The following ZFX variants were observed in gnomAD, a reference collection of about 807,000 sequenced individuals.
ZFX encodes the protein zinc finger protein X-linked.
For missense variants in ZFX, 362 were observed against 628.3 expected, an observed-to-expected ratio of 0.58 and a Z score of 4.53; for synonymous variants, 196 against 226.8, an observed-to-expected ratio of 0.86 and a Z score of 1.22.
intron 4 of ZFX, 58 bp from the exon 5 acceptor site, chrX:24,179,125 C>T (rs1300524347): frequency 4.0e-6 from 4 of 1,001,884 alleles, no homozygotes; most frequent in East Asian, 3.0e-5. Flanking sequence ...GTAACATTTA[C>T]GTTAATTGTA....
intron 5 of ZFX, among the ~76,000 whole-genome samples, 168 bp downstream of exon 5, chrX:24,179,938 A>G (rs953289283): frequency 7.2e-5 from 8 of 111,819 alleles, no homozygotes; most frequent in African/African-American, 2.6e-4. Context: ...GAAAATTAAG[A>G]AAAGTGAGGC....
intron 3 of ZFX, among the ~76,000 whole-genome samples, chrX:24,171,017 T>C (rs1934549812): frequency 8.9e-6 from 1 of 112,417 alleles, no homozygotes; most frequent in South Asian, 3.6e-4. Flanking sequence ...ATTCCTTTTA[T>C]GAATGTTAAT....
intron 5 of ZFX, among the ~76,000 whole-genome samples, chrX:24,201,272 T>A (rs1298449207): frequency 8.9e-6 from 1 of 112,765 alleles, no homozygotes; most frequent in Non-Finnish European, 1.9e-5. Context: ...ATTTATGTAA[T>A]AGAATAGCTT....
intron 5 of ZFX, among the ~76,000 whole-genome samples, chrX:24,193,673 T>C (rs747945109): frequency 6.6e-4 from 74 of 112,335 alleles, no homozygotes; most frequent in Admixed American, 1.0e-3. Context: ...AATTAGCTTT[T>C]CCTCTTTAAG....
chrX:24,198,203 TTC>T (rs1211035941), intron 5 of ZFX, among the ~76,000 whole-genome samples: 1 of 111,732 alleles, frequency 8.9e-6, no homozygotes, highest in African/African-American at 3.3e-5. Flanking sequence ...ATAATATTTT[TTC>T]TTTTATTTAT....
chrX:24,161,120 T>C (rs1349867986), intron 3 of ZFX, among the ~76,000 whole-genome samples: 4 of 112,040 alleles, frequency 3.6e-5, no homozygotes, highest in Non-Finnish European at 7.5e-5. Flanking sequence ...TGAAAACTAA[T>C]ATAATTTATA....
At chrX:24,172,572 A>G (rs1934729116) in intron 3 of ZFX, 143 bp from the exon 4 acceptor site, 6 of 400,976 alleles carry the variant, frequency 1.5e-5, no homozygotes, top group Non-Finnish European at 2.5e-5. Context: ...AGTAAGTTCT[A>G]TTTTACTTTA....
intron 4 of ZFX, among the ~76,000 whole-genome samples, chrX:24,175,753 A>G (rs1372199073): frequency 9.1e-6 from 1 of 110,178 alleles, no homozygotes; most frequent in Non-Finnish European, 1.9e-5. Context: ...TAATTTTTGT[A>G]TTTTTAGTAG....
intron 5 of ZFX, among the ~76,000 whole-genome samples, chrX:24,185,215 T>G (rs930206254): frequency 4.5e-5 from 5 of 111,480 alleles, no homozygotes; most frequent in African/African-American, 1.6e-4. Context: ...ATTTGCCCAC[T>G]TCAGCCTCCC....
chrX:24,187,113 A>G (rs949226420), intron 5 of ZFX, among the ~76,000 whole-genome samples: 6 of 111,830 alleles, frequency 5.4e-5, no homozygotes, highest in Non-Finnish European at 1.1e-4. Flanking sequence ...ATGAGATCTC[A>G]CCGTGTTGCC....
intron 4 of ZFX, among the ~76,000 whole-genome samples, chrX:24,176,430 A>ATTTTTT (rs56241839): frequency 4.5e-5 from 3 of 66,837 alleles, no homozygotes; most frequent in Non-Finnish European, 5.3e-5. Context: ...TTGGCCTTTG[A>ATTTTTT]TTTTTTTTTT....
intron 5 of ZFX, among the ~76,000 whole-genome samples, chrX:24,201,769 CATTAAT>C (rs1937313047): frequency 1.8e-5 from 2 of 112,213 alleles, no homozygotes; most frequent in Admixed American, 1.9e-4. Flanking sequence ...GAAGTAAGAA[CATTAAT>C]ATTGACTCTT....
Position 24,211,053 on chromosome X carries a change from A to T in ZFX, c.2095A>T (p.Ile699Phe), listed in dbSNP as rs1218605237. 1 of 1,210,741 alleles carries T rather than the reference A, an allele frequency of 8.3e-7. No homozygotes were observed. Among genetic ancestry groups the T allele is most frequent in the Non-Finnish European group, 1.1e-6 (1 of 895,455 alleles). The change falls in exon 10 of 10, where the codon ATT (isoleucine) becomes TTT (phenylalanine). Residue 699 changes from isoleucine (I) to phenylalanine (F), a missense_variant. Physicochemically the swap from Ile to Phe is conservative, Grantham distance 21. Coordinates refer to ENST00000304543, the MANE Select transcript of ZFX (RefSeq NM_003410.4). ...MHQCRHCDFK[I>F]ADPFVLSRHI... is the part of the protein sequence containing the mutation. ...CCAGTGTAGACATTGTGACTTTAAG[A>T]TTGCAGATCCATTTGTTCTAAGTCG... is the stretch of plus-strand genomic sequence containing the variant.
intron 7 of ZFX, 132 bp downstream of exon 7, chrX:24,207,987 T>C: frequency 1.1e-6 from 1 of 921,839 alleles, no homozygotes; most frequent in Non-Finnish European, 1.5e-6. Flanking sequence ...TCTTTGACTC[T>C]TTTATATATG....
chrX:24,159,515 C>G (rs1419524509), intron 3 of ZFX, among the ~76,000 whole-genome samples: 2 of 111,020 alleles, frequency 1.8e-5, no homozygotes, highest in African/African-American at 6.6e-5. Context: ...TCTCTTGTCG[C>G]CCAGGCTGGA....
chrX:24,208,791 C>A, intron 8 of ZFX, 109 bp from the exon 9 acceptor site: 1 of 836,442 alleles, frequency 1.2e-6, no homozygotes, highest in Non-Finnish European at 1.7e-6. Context: ...GAATTTCTGT[C>A]ATTCATGAGT....
chrX:24,208,836 A>C (rs1247338895), intron 8 of ZFX, 64 bp from the exon 9 acceptor site: 2 of 1,073,032 alleles, frequency 1.9e-6, no homozygotes, highest in African/African-American at 3.8e-5. Flanking sequence ...TAGTTAATGA[A>C]GAATTCCTAA....
At chrX:24,150,084 C>G (rs1415485551) in intron 1 of ZFX, 2 of 104,196 alleles carry the variant, frequency 1.9e-5, no homozygotes, top group African/African-American at 6.9e-5. Flanking sequence ...CCTGGGGCAC[C>G]GCGCCGGGGT....
chrX:24,168,305 A>C (rs1015493788), intron 3 of ZFX, among the ~76,000 whole-genome samples: 1 of 112,255 alleles, frequency 8.9e-6, no homozygotes, highest in African/African-American at 3.2e-5. Context: ...TGAGTCATAG[A>C]ATTAACAGGC....
Sources: allele counts gnomAD v4.1 joint callset (sites outside exome capture counted in the v4.1 genomes callset), GRCh38; gene constraint gnomAD v4.1.1; transcripts MANE v1.5; gene names NCBI Gene and HGNC (gene_info 2026-07-23, HGNC 2026-07-21).